PRICKLE2: variants seen among roughly 807,000 people sequenced by gnomAD.
The protein encoded by PRICKLE2 is prickle-like protein 2.
A neutral mutation model predicts 81.4 loss-of-function variants in PRICKLE2; 21 were observed. That is an observed-to-expected ratio of 0.26 (90% CI 0.18 to 0.37). PRICKLE2 has a LOEUF of 0.37. Ranked by LOEUF, PRICKLE2 falls within the 10% of genes least tolerant of loss-of-function variation. The pLI, the probability that PRICKLE2 is intolerant of heterozygous loss-of-function variation, is 1.00. For missense variants in PRICKLE2, 940 were observed against 1,109.0 expected (o/e 0.85, Z 2.16); for synonymous variants, 456 against 421.5 (o/e 1.08, Z -1.00).
At chr3:64,118,282 C>T (rs569312455) in intron 7 of PRICKLE2, among the ~76,000 whole-genome samples, 118 of 152,046 alleles carry the variant, frequency 7.8e-4, no homozygotes, top group African/African-American at 2.6e-3. Context: ...GACATGGGCA[C>T]GGGCAAAGAT....
chr3:64,147,207 T>C lies in PRICKLE2; in HGVS notation c.1283A>G (p.Tyr428Cys), dbSNP rs752601486. ...CCCAGCCCCTTGCCCTCCTGGACTGTAGGAAGTTCTGATGTTGCACTGGCT... is the reference window on the plus strand; with the variant it reads ...CCCAGCCCCTTGCCCTCCTGGACTGCAGGAAGTTCTGATGTTGCACTGGCT... Reference protein sequence around the residue: ...LLSQCNIRTSYSPGGQGAGAQ... With the variant: ...LLSQCNIRTSCSPGGQGAGAQ... The change falls in exon 7 of 8, where the codon TAC becomes TGC. Residue 428 changes from tyrosine (Y) to cysteine (C), a missense_variant. By Grantham distance (194) the Tyr-to-Cys change is radical. This residue lies in a region of PRICKLE2 where 670 missense variants were observed against 717.2 expected (regional missense o/e 0.93). Transcript: ENST00000638394. This position sits in a 1 kb window ranked among gnomAD's most constrained non-coding sequence, Gnocchi z 5.0. The C allele has an allele frequency of 6.2e-7, 1 of 1,611,552 alleles. No homozygotes were observed. Among genetic ancestry groups the C allele is most frequent in the Non-Finnish European group, 8.5e-7 (1 of 1,178,596 alleles).
At chr3:64,142,998 C>A (rs182829406) in intron 7 of PRICKLE2, among the ~76,000 whole-genome samples, 1 of 152,132 alleles carries the variant, frequency 6.6e-6, no homozygotes, top group East Asian at 1.9e-4. Context: ...AACCAGTAAT[C>A]CTAACTATTA....
At chr3:64,223,059 T>G (rs1251807693) in intron 1 of PRICKLE2, among the ~76,000 whole-genome samples, 7 of 152,228 alleles carry the variant, frequency 4.6e-5, no homozygotes, top group African/African-American at 1.7e-4. Flanking sequence ...TGAGTGGGAA[T>G]CATTTGGATA....
intron 7 of PRICKLE2, chr3:64,101,039 A>G (rs767017288): frequency 1.3e-5 from 2 of 152,246 alleles, no homozygotes; most frequent in Non-Finnish European, 2.9e-5. Flanking sequence ...AGCACTTTGC[A>G]AAATTACTTG....
At chr3:64,113,820 C>T (rs1472365272) in intron 7 of PRICKLE2, among the ~76,000 whole-genome samples, 1 of 152,126 alleles carries the variant, frequency 6.6e-6, no homozygotes, top group Non-Finnish European at 1.5e-5. Context: ...GGCACCCAAA[C>T]CTGCCCCAGC....
At chr3:64,208,372 C>T (rs1235728355) in intron 1 of PRICKLE2, among the ~76,000 whole-genome samples, 1 of 152,146 alleles carries the variant, frequency 6.6e-6, no homozygotes, top group East Asian at 1.9e-4. Context: ...ATCATGTGAC[C>T]CCCACACAGG....
intron 2 of PRICKLE2, chr3:64,163,378 T>C (rs760634923): frequency 1.8e-6 from 1 of 545,680 alleles, no homozygotes; most frequent in Non-Finnish European, 3.3e-6. Context: ...AGCTAGTAAA[T>C]TTTCCTAGAA....
chr3:64,242,524 T>G (rs2079281842), intron 2 of PRICKLE2, among the ~76,000 whole-genome samples: 4 of 152,278 alleles, frequency 2.6e-5, no homozygotes, highest in Admixed American at 2.6e-4. Context: ...ATTGTTTGAC[T>G]GGTTACACAA....
chr3:64,099,953 G>A lies in PRICKLE2; in HGVS notation c.1661-28C>T, dbSNP rs1378507930. The A allele has an allele frequency of 2.5e-6, 4 of 1,611,240 alleles. No homozygotes were observed. The South Asian group carries it at 4.4e-5, about 18-fold the overall frequency. On this transcript the variant is annotated intron_variant, in intron 7 of 7. Coordinates refer to ENST00000638394, the MANE Select transcript of PRICKLE2 (RefSeq NM_198859.4). The surrounding 1 kb of genome is among the most constrained non-coding windows in gnomAD (Gnocchi z 4.3). Reference sequence around the variant, plus strand: ...GGGGAAGAGAGGAGGGGACCACAGAGATTAATACAGATGTGCAGCAATGGG... The same window carrying A: ...GGGGAAGAGAGGAGGGGACCACAGAAATTAATACAGATGTGCAGCAATGGG...
intron 2 of PRICKLE2, among the ~76,000 whole-genome samples, chr3:64,190,713 A>G (rs1575642582): frequency 2.0e-5 from 3 of 152,352 alleles, no homozygotes; most frequent in East Asian, 1.9e-4. Flanking sequence ...CCAAACCATT[A>G]CAGACAGGTA....
intron 2 of PRICKLE2, among the ~76,000 whole-genome samples, chr3:64,231,445 C>A (rs944114905): frequency 6.6e-6 from 1 of 152,124 alleles, no homozygotes; most frequent in Non-Finnish European, 1.5e-5. Flanking sequence ...ACAGCTGAAA[C>A]CTGAATTTTC....
At chr3:64,140,637 C>T (rs976532569) in intron 7 of PRICKLE2, among the ~76,000 whole-genome samples, 31 of 152,122 alleles carry the variant, frequency 2.0e-4, no homozygotes, top group African/African-American at 6.3e-4. Context: ...TGGCTTGAGC[C>T]CTGACCTCTA....
chr3:64,153,078 G>A (rs1390692109), intron 6 of PRICKLE2, 104 bp downstream of exon 6: 1 of 1,071,442 alleles, frequency 9.3e-7, no homozygotes, highest in Admixed American at 1.7e-5. Flanking sequence ...AAGTTAGCAT[G>A]AGTTGGGTTT....
rs1270205280 is a variant in PRICKLE2, at chr3:64,098,408, A to C, written c.*643T>G. On this transcript the variant is annotated 3_prime_UTR_variant, in exon 8 of 8. Transcript: ENST00000638394. The stretch of plus-strand genomic sequence containing the variant: ...CTAACAGTTATGTTTTTTCAGCCAC[A>C]AAAAGCCAAATTGAATATGTTCCTT... 6.6e-6 allele frequency: 1 copy of C among 152,344 alleles called. No individual in the cohort carries two copies. Among genetic ancestry groups the C allele is most frequent in the Non-Finnish European group, 1.5e-5 (1 of 68,110 alleles). 9.4% of individuals were successfully genotyped at this position (152,344 alleles called of 1,614,324 possible).
Position 64,163,052 on chromosome 3 carries a change from C to T in PRICKLE2, c.222G>A (p.Lys74=), listed in dbSNP as rs2107045863. The part of the protein sequence containing the change: ...VNSPGEKLRI[K]QLLHQLPPHD... ...GTGGCGGCAGCTGGTGTAGTAGCTGCTTGATTCGCAGTTTCTCTCCAGGAC... is the reference window on the plus strand; with the variant it reads ...GTGGCGGCAGCTGGTGTAGTAGCTGTTTGATTCGCAGTTTCTCTCCAGGAC... The change falls in exon 3 of 8, where the codon AAG becomes AAA. Residue 74 remains lysine, a synonymous_variant. Transcript: ENST00000638394. 4.3e-6 allele frequency: 7 copies of T among 1,614,086 alleles called. No individual in the cohort carries two copies. The highest frequency in any genetic ancestry group is 5.9e-6 in the Non-Finnish European group (7 of 1,179,926).
intron 1 of PRICKLE2, among the ~76,000 whole-genome samples, chr3:64,213,846 T>A (rs2078831151): frequency 6.6e-6 from 1 of 151,956 alleles, no homozygotes; most frequent in Admixed American, 6.6e-5. Context: ...GCTCAACGAG[T>A]TTGTGGAACT....
At chr3:64,192,706 A>G (rs1438851377) in intron 2 of PRICKLE2, among the ~76,000 whole-genome samples, 1 of 152,220 alleles carries the variant, frequency 6.6e-6, no homozygotes, top group Non-Finnish European at 1.5e-5. Flanking sequence ...AAAACTAGGC[A>G]GTCACACTTG....
intron 6 of PRICKLE2, among the ~76,000 whole-genome samples, chr3:64,150,789 TG>T (rs2077532602): frequency 6.6e-6 from 1 of 152,044 alleles, no homozygotes; most frequent in Non-Finnish European, 1.5e-5. Flanking sequence ...TTCCTCGGGA[TG>T]GGGGCCTCAT....
chr3:64,170,655 T>A (rs1478534873), intron 2 of PRICKLE2, among the ~76,000 whole-genome samples: 1 of 147,386 alleles, frequency 6.8e-6, no homozygotes, highest in Admixed American at 6.8e-5. Flanking sequence ...AGCCCAGGAG[T>A]TCGAGACTGG....
Sources: allele counts gnomAD v4.1 joint callset (sites outside exome capture counted in the v4.1 genomes callset), GRCh38; gene constraint gnomAD v4.1.1; regional missense constraint gnomAD v4.1.1; non-coding constraint Gnocchi (gnomAD v3.1); transcripts MANE v1.5; gene names NCBI Gene and HGNC (gene_info 2026-07-23, HGNC 2026-07-21).